RASGRF2: variants seen among roughly 807,000 people sequenced by gnomAD.
The protein encoded by RASGRF2 is ras-specific guanine nucleotide-releasing factor 2.
RASGRF2 carries 76 observed loss-of-function variants against 151.0 expected under a neutral mutation model. The ratio of observed to expected loss-of-function variants is 0.50; its 90% CI spans 0.42 to 0.61. RASGRF2 has a LOEUF of 0.61. RASGRF2 is among the 20% of genes least tolerant of loss of function. The pLI, the probability that RASGRF2 is intolerant of heterozygous loss-of-function variation, is 0.00. For missense variants in RASGRF2, 1,148 were observed against 1,564.6 expected (o/e 0.73, Z 4.49); for synonymous variants, 504 against 566.5 (o/e 0.89, Z 1.57).
chr5:81,136,587 CCTAGATGTGATTGT>C (rs1753759178), intron 17 of RASGRF2, among the ~76,000 whole-genome samples: 1 of 152,104 alleles, frequency 6.6e-6, no homozygotes, highest in South Asian at 2.1e-4. Flanking sequence ...ATATGATATG[CCTAGATGTGATTGT>C]CTTGGTATTT....
intron 1 of RASGRF2, among the ~76,000 whole-genome samples, chr5:81,016,773 G>A (rs140831291): frequency 6.6e-6 from 1 of 152,230 alleles, no homozygotes; most frequent in African/African-American, 2.4e-5. Context: ...CTAATGCTTT[G>A]CTTTATTCAT....
chr5:81,208,835 G>A lies in RASGRF2; in HGVS notation c.3156+397G>A, dbSNP rs567927511. Among the ~76,000 whole-genome samples, 21 of 152,200 alleles carry A rather than the reference G, an allele frequency of 1.4e-4. No individual in the cohort carries two copies. In the South Asian group the frequency reaches 2.9e-3, roughly 21 times the overall value. ...CAAAGTGTTGGGATTACAGGCGTGA[G>A]CCACCGCACCTGGCCTGCCACCCAC... On this transcript the variant is annotated intron_variant, in intron 22 of 26. Transcript: ENST00000265080.
At chr5:81,169,396 C>T (rs1290366410) in intron 17 of RASGRF2, among the ~76,000 whole-genome samples, 2 of 152,214 alleles carry the variant, frequency 1.3e-5, no homozygotes, top group Admixed American at 6.5e-5. Context: ...TCATCAGGGC[C>T]ATACTTTCTG....
chr5:81,165,279 A>G (rs928573852), intron 17 of RASGRF2, among the ~76,000 whole-genome samples: 2 of 152,230 alleles, frequency 1.3e-5, no homozygotes, highest in Non-Finnish European at 2.9e-5. Flanking sequence ...GGAAATACCA[A>G]GGTCTTCCCA....
chr5:81,066,956 T>C, intron 2 of RASGRF2, among the ~76,000 whole-genome samples: 1 of 152,224 alleles, frequency 6.6e-6, no homozygotes, highest in East Asian at 1.9e-4. Context: ...ACACTTCCGC[T>C]GCAACATTCT....
chr5:81,012,498 C>T (rs555979), intron 1 of RASGRF2, among the ~76,000 whole-genome samples: 84,549 of 151,874 alleles, frequency 0.56, 23,962 homozygotes, highest in Middle Eastern at 0.7. Context: ...GCTCCCCAGC[C>T]GTAGCGTGTG....
At chr5:81,129,761 C>T (rs1406365103) in intron 17 of RASGRF2, among the ~76,000 whole-genome samples, 1 of 152,184 alleles carries the variant, frequency 6.6e-6, no homozygotes, top group Non-Finnish European at 1.5e-5. Context: ...TTTGCTAAGA[C>T]CTTCTCCTGT....
intron 16 of RASGRF2, among the ~76,000 whole-genome samples, chr5:81,124,813 C>G (rs1019913165): frequency 8.5e-5 from 13 of 152,048 alleles, no homozygotes; most frequent in African/African-American, 3.1e-4. Flanking sequence ...TCTTCTTAAG[C>G]CAATTATTTC....
intron 17 of RASGRF2, among the ~76,000 whole-genome samples, chr5:81,132,220 G>T (rs796521799): frequency 1.3e-5 from 2 of 152,200 alleles, no homozygotes; most frequent in African/African-American, 4.8e-5. Flanking sequence ...GAATAGTATT[G>T]TATATGTAGT....
At chr5:81,153,421 G>T (rs1361158400) in intron 17 of RASGRF2, among the ~76,000 whole-genome samples, 1 of 151,942 alleles carries the variant, frequency 6.6e-6, no homozygotes, top group East Asian at 1.9e-4. Flanking sequence ...AGTGGCCATA[G>T]CTGGCTTTGG....
chr5:81,132,999 T>C (rs1462806736), intron 17 of RASGRF2, among the ~76,000 whole-genome samples: 1 of 152,180 alleles, frequency 6.6e-6, no homozygotes, highest in Non-Finnish European at 1.5e-5. Context: ...AGAAAATTCT[T>C]GGAATCGCAA....
At chr5:81,052,113 T>C (rs756157185) in intron 2 of RASGRF2, among the ~76,000 whole-genome samples, 1 of 152,236 alleles carries the variant, frequency 6.6e-6, no homozygotes, top group Non-Finnish European at 1.5e-5. Context: ...ATAAAGATAA[T>C]TCTACCAATA....
chr5:80,960,639 C>T lies in RASGRF2; in HGVS notation c.-100C>T. The T allele has an allele frequency of 7.1e-6, 8 of 1,132,126 alleles. No individual in the cohort carries two copies. Among genetic ancestry groups the T allele is most frequent in the Admixed American group, 4.1e-5 (1 of 24,462 alleles). The allele number at this position is 1,132,126 out of a possible 1,614,324, so 70.1% of individuals were successfully genotyped here. Reference sequence around the variant, plus strand: ...GGGAAAGGGGGCGCCCTTCGCCGGCCGGGACCTGAGCGGTCGCGCCCTCGA... The same window carrying T: ...GGGAAAGGGGGCGCCCTTCGCCGGCTGGGACCTGAGCGGTCGCGCCCTCGA... On this transcript the variant is annotated 5_prime_UTR_variant, in exon 1 of 27. Transcript: ENST00000265080. The surrounding 1 kb of genome is among the most constrained non-coding windows in gnomAD (Gnocchi z 5.5).
rs950308570 is a variant in RASGRF2, at chr5:80,960,557, C to G, written c.-182C>G. On this transcript the variant is annotated 5_prime_UTR_variant, in exon 1 of 27. Transcript: ENST00000265080. This position sits in a 1 kb window ranked among gnomAD's most constrained non-coding sequence, Gnocchi z 5.5. ...CGTGCCTCGGCCCCAGCCCGCGCCCCTGCCACCGCGCGCCGCGGCCTCCCG... is the reference window on the plus strand; with the variant it reads ...CGTGCCTCGGCCCCAGCCCGCGCCCGTGCCACCGCGCGCCGCGGCCTCCCG... 22 of 442,470 alleles carry G rather than the reference C, an allele frequency of 5.0e-5. No homozygotes were observed. Among genetic ancestry groups the G allele is most frequent in the Non-Finnish European group, 6.7e-5 (19 of 282,936 alleles). The allele number at this position is 442,470 out of a possible 1,614,324, so 27.4% of individuals were successfully genotyped here.
intron 25 of RASGRF2, among the ~76,000 whole-genome samples, chr5:81,217,725 T>G (rs1002079715): frequency 2.0e-5 from 3 of 151,356 alleles, no homozygotes; most frequent in African/African-American, 7.3e-5. Context: ...ATTACAGTTG[T>G]GTGCCTCATG....
intron 15 of RASGRF2, among the ~76,000 whole-genome samples, chr5:81,119,264 T>A (rs1357625798): frequency 6.6e-6 from 1 of 152,266 alleles, no homozygotes. Flanking sequence ...GACTAGGTGA[T>A]TTATAATGAA....
At position 81,127,095 on chromosome 5, in the gene RASGRF2, A is replaced by G. The variant is rs781411070; in HGVS notation, c.2618A>G (p.His873Arg). The stretch of plus-strand genomic sequence containing the variant: ...CCAGGACAGACGGCGGACAATGCCC[A>G]CTGCTCTGTTTCACCGGCTTCTGCT... ...QPGGQTADNA[H>R]CSVSPASAFA... The change falls in exon 17 of 27, where the codon CAC becomes CGC. Residue 873 changes from histidine (H) to arginine (R), a missense_variant. Around this residue, in one of 5 missense-constraint regions of RASGRF2, gnomAD observed 646 missense variants for 807.4 expected, o/e 0.80. Transcript: ENST00000265080. 1.2e-6 allele frequency: 2 copies of G among 1,614,058 alleles called. No homozygotes were observed. The highest frequency in any genetic ancestry group is 2.2e-5 in the East Asian group (1 of 44,878).
At chr5:81,003,334 T>C (rs1024804201) in intron 1 of RASGRF2, among the ~76,000 whole-genome samples, 1 of 150,808 alleles carries the variant, frequency 6.6e-6, no homozygotes, top group Non-Finnish European at 1.5e-5. Context: ...GCCATTGTCC[T>C]GCCTCAGCCT....
Position 81,037,037 on chromosome 5 carries a change from T to A in RASGRF2, c.289-5840T>A, listed in dbSNP as rs1750523226. Among the ~76,000 whole-genome samples the A allele has an allele frequency of 2.0e-5, 3 of 152,124 alleles. No individual in the cohort carries two copies. In the South Asian group the frequency reaches 6.2e-4, roughly 32 times the overall value. On this transcript the variant is annotated intron_variant, in intron 1 of 26. Coordinates refer to ENST00000265080, the MANE Select transcript of RASGRF2 (RefSeq NM_006909.3). ...AAGATGAAGGAAGAGCAAAGGGATG[T>A]CTTACATAGCAGTCACAGAAGAGAG...
Sources: gnomAD v4.1 joint callset for allele counts (sites outside exome capture counted in the v4.1 genomes callset) on GRCh38, gnomAD v4.1.1 for gene constraint, gnomAD v4.1.1 regional missense constraint, Gnocchi (gnomAD v3.1) non-coding constraint, MANE v1.5 for transcripts, NCBI Gene and HGNC (gene_info 2026-07-23, HGNC 2026-07-21) for gene names.